The following USP34 variants were observed in gnomAD, a reference collection of about 807,000 sequenced individuals.
The protein encoded by USP34 is ubiquitin specific peptidase 34, also known as ubiquitin carboxyl-terminal hydrolase 34.
A neutral mutation model predicts 460.3 loss-of-function variants in USP34; 70 were observed. That is an observed-to-expected ratio of 0.15 (90% confidence interval 0.13 to 0.19). USP34 has a LOEUF of 0.19. Among genes scored for constraint, USP34 ranks in the 10% least tolerant of loss-of-function variants. The pLI is 1.00. For synonymous variants in USP34, 1,647 were observed against 1,405.3 expected, an observed-to-expected ratio of 1.17 and a Z score of -3.85; for missense variants, 3,985 against 4,236.2, an observed-to-expected ratio of 0.94 and a Z score of 1.65.
At chr2:61,249,767 G>A (rs1264509036) in intron 48 of USP34, 1 of 155,454 alleles carries the variant, frequency 6.4e-6, no homozygotes, top group Non-Finnish European at 1.4e-5. Flanking sequence ...GCAATAATAG[G>A]AATGGGGGCA....
intron 39 of USP34, among the ~76,000 whole-genome samples, chr2:61,279,151 A>G (rs1010056413): frequency 7.9e-5 from 12 of 152,054 alleles, no homozygotes; most frequent in African/African-American, 1.4e-4. Context: ...TTAATTAACA[A>G]TAAGTATATT....
intron 1 of USP34, among the ~76,000 whole-genome samples, chr2:61,440,199 G>A (rs1000235450): frequency 3.3e-5 from 5 of 152,222 alleles, no homozygotes; most frequent in South Asian, 4.1e-4. Flanking sequence ...GCGGACATCA[G>A]CCTCTTCCTC....
chr2:61,295,385 A>T (rs551542217), intron 30 of USP34, 95 bp from the exon 31 acceptor site: 2 of 1,274,916 alleles, frequency 1.6e-6, no homozygotes, highest in Non-Finnish European at 2.1e-6. Flanking sequence ...AAAACTCAAA[A>T]TATTATATAT....
rs562733689 is a variant in USP34, at chr2:61,283,596, TGAGAGAGA to T, written c.4833-155_4833-148del. 494 of 495,220 alleles carry T rather than the reference TGAGAGAGA, an allele frequency of 1.0e-3. 2 individuals carry two copies. In the African/African-American group the frequency reaches 0.011, roughly 11 times the overall value. 30.7% of individuals were successfully genotyped at this position (495,220 alleles called of 1,614,324 possible). ...GTGTGAGTGAGAGTGAGAGTGAGAG[TGAGAGAGA>T]GTGTGAGTGTGTGTGTGTTTTAAAA... On this transcript the variant is annotated intron_variant, in intron 35 of 79. Coordinates refer to ENST00000398571, the MANE Select transcript of USP34 (RefSeq NM_014709.4).
At chr2:61,326,087 G>A (rs777245496) in intron 20 of USP34, among the ~76,000 whole-genome samples, 23 of 152,078 alleles carry the variant, frequency 1.5e-4, no homozygotes, top group Middle Eastern at 3.2e-3. Flanking sequence ...GACTGTGGTC[G>A]GCCCCAAAGT....
Position 61,417,108 on chromosome 2 carries a change from G to C in USP34, c.131+3638C>G, listed in dbSNP as rs187147398. 1,311 of 1,510,344 alleles carry C rather than the reference G, an allele frequency of 8.7e-4. 3 individuals carry two copies. Among genetic ancestry groups the C allele is most frequent in the Non-Finnish European group, 1.2e-3 (1,271 of 1,101,718 alleles). The allele number at this position is 1,510,344 out of a possible 1,614,324, so 93.6% of individuals were successfully genotyped here. A position where few individuals can be genotyped will look rare whatever the true frequency, so the allele number is the denominator to read the frequency against. On this transcript the variant is annotated intron_variant, in intron 2 of 79. Coordinates refer to ENST00000398571, the MANE Select transcript of USP34 (RefSeq NM_014709.4). ...TCACATGCGCCTTGTTCTGCAGCTTGGTATGGATGGACATAACTTGGCCAA... is the reference window on the plus strand; with the variant it reads ...TCACATGCGCCTTGTTCTGCAGCTTCGTATGGATGGACATAACTTGGCCAA...
chr2:61,437,705 G>T (rs548667790), intron 1 of USP34, among the ~76,000 whole-genome samples: 1 of 151,712 alleles, frequency 6.6e-6, no homozygotes, highest in African/African-American at 2.4e-5. Flanking sequence ...CACGGGAGGC[G>T]GAGCTTGCAG....
intron 1 of USP34, among the ~76,000 whole-genome samples, chr2:61,452,386 G>A (rs13015122): frequency 2.8e-5 from 4 of 140,774 alleles, no homozygotes; most frequent in Non-Finnish European, 6.0e-5. Flanking sequence ...GTGTAGTGGC[G>A]CGATCTCAGC....
rs1349479488 is a variant in USP34, at chr2:61,189,032, G to C, written c.9911C>G (p.Thr3304Ser). ...TAGAGCTGGGTTTAACTGTTTGGGAGTGTGTACTGACAGGAGCAAAGCGAG... is the reference window on the plus strand; with the variant it reads ...TAGAGCTGGGTTTAACTGTTTGGGACTGTGTACTGACAGGAGCAAAGCGAG... ...RALALLLSVH[T>S]PKQLNPALIP... The change falls in exon 79 of 80, where the codon ACT becomes AGT. Residue 3304 changes from threonine to serine, a missense_variant. Physicochemically the swap from Thr to Ser is moderately conservative, Grantham distance 58. Transcript: ENST00000398571. The C allele has an allele frequency of 6.2e-7, 1 of 1,614,206 alleles. No homozygotes were observed. The highest frequency in any genetic ancestry group is 1.7e-5 in the Admixed American group (1 of 60,026).
intron 75 of USP34, among the ~76,000 whole-genome samples, chr2:61,196,349 CA>C (rs1305830283): frequency 6.6e-6 from 1 of 151,648 alleles, no homozygotes; most frequent in Non-Finnish European, 1.5e-5. Context: ...CTTGACCTCC[CA>C]AAGTGCTGGG....
chr2:61,379,951 A>T (rs1248761725), intron 7 of USP34, among the ~76,000 whole-genome samples: 1 of 152,252 alleles, frequency 6.6e-6, no homozygotes, highest in African/African-American at 2.4e-5. Flanking sequence ...GGACCCGGAA[A>T]TCAAATGGAC....
intron 75 of USP34, among the ~76,000 whole-genome samples, chr2:61,194,622 C>T (rs1399285125): frequency 1.3e-5 from 2 of 152,158 alleles, no homozygotes; most frequent in African/African-American, 2.4e-5. Context: ...CCTTAGCCTC[C>T]GTAGTAGCTA....
chr2:61,209,771 A>G (rs1348086018), intron 69 of USP34, among the ~76,000 whole-genome samples: 2 of 152,238 alleles, frequency 1.3e-5, no homozygotes, highest in African/African-American at 2.4e-5. Context: ...ATTCCAGAAG[A>G]AGGCATCATT....
At chr2:61,327,291 C>T (rs1691125825) in intron 20 of USP34, among the ~76,000 whole-genome samples, 1 of 152,204 alleles carries the variant, frequency 6.6e-6, no homozygotes, top group Non-Finnish European at 1.5e-5. Context: ...ACTTTTGCCT[C>T]ATTAATGCTG....
chr2:61,285,428 A>C (rs1394349059), intron 34 of USP34, among the ~76,000 whole-genome samples: 2 of 150,276 alleles, frequency 1.3e-5, no homozygotes, highest in Admixed American at 1.3e-4. Context: ...CAGTGGCTGC[A>C]GTGAGCTGAG....
At chr2:61,414,675 C>T (rs1694143606) in intron 2 of USP34, among the ~76,000 whole-genome samples, 1 of 152,246 alleles carries the variant, frequency 6.6e-6, no homozygotes, top group South Asian at 2.1e-4. Flanking sequence ...ACAACAAAAG[C>T]AGAGATTTAC....
rs1688448843 is a variant in USP34 at position 61,247,491 on chromosome 2, A to G, written c.6395-1014T>C. On this transcript the variant is annotated intron_variant, in intron 49 of 79. Transcript: ENST00000398571. ...GGAAACATCACAAGAAATATAATGAAGCACAGCTGTGAGGAGGTTCTGCTC... is the reference window on the plus strand; with the variant it reads ...GGAAACATCACAAGAAATATAATGAGGCACAGCTGTGAGGAGGTTCTGCTC... Among the ~76,000 whole-genome samples the G allele has an allele frequency of 2.6e-5, 4 of 152,174 alleles. No homozygotes were observed. The South Asian group carries it at 6.2e-4, about 24-fold the overall frequency.
intron 12 of USP34, among the ~76,000 whole-genome samples, 173 bp from the exon 13 acceptor site, chr2:61,349,458 C>G (rs1691875805): frequency 6.6e-6 from 1 of 152,044 alleles, no homozygotes; most frequent in Non-Finnish European, 1.5e-5. Context: ...ACAGAAAAGC[C>G]TAAGAGAGGG....
At chr2:61,277,063 G>C (rs150219621) in intron 41 of USP34, among the ~76,000 whole-genome samples, 1 of 152,116 alleles carries the variant, frequency 6.6e-6, no homozygotes. Flanking sequence ...GAGTCACGAA[G>C]TGTTTCCAAT....
Sources: allele counts gnomAD v4.1 joint callset (sites outside exome capture counted in the v4.1 genomes callset), GRCh38; gene constraint gnomAD v4.1.1; transcripts MANE v1.5; gene names NCBI Gene and HGNC (gene_info 2026-07-23, HGNC 2026-07-21).